Variants in CWF19L2 observed in about 807,000 individuals in gnomAD.
CWF19L2 encodes the protein CWF19 like cell cycle control factor 2, also known as CWF19-like protein 2.
CWF19L2 carries 98 observed loss-of-function variants against 111.7 expected under a neutral mutation model. The ratio of observed to expected loss-of-function variants is 0.88; its 90% CI spans 0.75 to 1.04. The LOEUF (loss-of-function observed/expected upper bound fraction) is 1.04. Ranked by LOEUF, CWF19L2 falls within the 50% of genes least tolerant of loss-of-function variation. The pLI is 0.00. For missense variants in CWF19L2, 1,101 were observed against 1,051.4 expected, an observed-to-expected ratio of 1.05 and a Z score of -0.65; for synonymous variants, 351 against 342.9, an observed-to-expected ratio of 1.02 and a Z score of -0.26.
intron 16 of CWF19L2, among the ~76,000 whole-genome samples, chr11:107,331,594 G>T (rs137984094): frequency 2.4e-3 from 373 of 152,338 alleles, no homozygotes; most frequent in Middle Eastern, 0.01. Context: ...AGGAATGCAG[G>T]CATGCTGACA....
chr11:107,361,556 T>C (rs947483720), intron 12 of CWF19L2, among the ~76,000 whole-genome samples: 1 of 152,250 alleles, frequency 6.6e-6, no homozygotes. Context: ...ACCTGTAGAT[T>C]ACTCTGGCCA....
At chr11:107,334,827 A>T (rs1019266653) in intron 16 of CWF19L2, 54 bp downstream of exon 16, 15 of 1,107,508 alleles carry the variant, frequency 1.4e-5, no homozygotes, top group Admixed American at 3.7e-5. Flanking sequence ...ATGGAAATTA[A>T]TAAAGATCCT....
In CWF19L2 at chr11:107,457,654, C is replaced by T. The variant is rs905600232; in HGVS notation, c.105+58G>A. The T allele has an allele frequency of 2.7e-5, 35 of 1,300,852 alleles. No homozygotes were observed. In the African/African-American group the frequency reaches 4.4e-4, roughly 16 times the overall value. The allele number at this position is 1,300,852 out of a possible 1,614,324, so 80.6% of individuals were successfully genotyped here. ...GGGAAGGGGTGAGTGGGCTAGCTTA[C>T]GGGAACCCTCAACTCCCACAACAAT... On this transcript the variant is annotated intron_variant, in intron 1 of 17. Coordinates refer to ENST00000282251, the MANE Select transcript of CWF19L2 (RefSeq NM_152434.3).
chr11:107,415,095 C>T (rs1291619409), intron 10 of CWF19L2, among the ~76,000 whole-genome samples: 1 of 152,168 alleles, frequency 6.6e-6, no homozygotes, highest in Admixed American at 6.5e-5. Context: ...ATCTGGCCAC[C>T]TATAGTCTCT....
intron 10 of CWF19L2, among the ~76,000 whole-genome samples, chr11:107,402,559 T>C (rs988643411): frequency 6.6e-6 from 1 of 152,044 alleles, no homozygotes; most frequent in African/African-American, 2.4e-5. Context: ...AGAATGAGCA[T>C]AATCAAAAAA....
At chr11:107,450,867 CA>C (rs1861768669) in intron 3 of CWF19L2, among the ~76,000 whole-genome samples, 1 of 152,028 alleles carries the variant, frequency 6.6e-6, no homozygotes, top group South Asian at 2.1e-4. Context: ...CAAAAACTGA[CA>C]AAACTGAAAG....
intron 12 of CWF19L2, among the ~76,000 whole-genome samples, chr11:107,377,965 C>A (rs1313095034): frequency 5.9e-5 from 9 of 151,994 alleles, no homozygotes. Flanking sequence ...AGGATATGAA[C>A]AGACACTTCT....
At chr11:107,381,821 A>C (rs1477243590) in intron 12 of CWF19L2, among the ~76,000 whole-genome samples, 1 of 152,216 alleles carries the variant, frequency 6.6e-6, no homozygotes, top group Admixed American at 6.5e-5. Flanking sequence ...AAAATATATT[A>C]AGCCTTAAGT....
chr11:107,347,301 A>G (rs1860094164), intron 14 of CWF19L2, among the ~76,000 whole-genome samples: 1 of 152,200 alleles, frequency 6.6e-6, no homozygotes, highest in African/African-American at 2.4e-5. Context: ...CCTGCATTGC[A>G]ACATTTGGCA....
intron 8 of CWF19L2, among the ~76,000 whole-genome samples, chr11:107,426,900 C>CA (rs1299591858): frequency 3.3e-5 from 5 of 151,810 alleles, no homozygotes; most frequent in Admixed American, 3.3e-4. Context: ...TTGGAAGTGA[C>CA]ATGAAAGGGA....
chr11:107,410,679 A>G (rs1861144052), intron 10 of CWF19L2, among the ~76,000 whole-genome samples: 1 of 152,206 alleles, frequency 6.6e-6, no homozygotes, highest in Non-Finnish European at 1.5e-5. Context: ...TCATGTGCAC[A>G]AGGGATGAGA....
intron 12 of CWF19L2, among the ~76,000 whole-genome samples, chr11:107,388,244 G>C (rs1432767636): frequency 1.3e-5 from 2 of 152,004 alleles, no homozygotes; most frequent in Non-Finnish European, 2.9e-5. Flanking sequence ...TTATATATTT[G>C]TTCACTTTCT....
At chr11:107,363,463 C>A in intron 12 of CWF19L2, among the ~76,000 whole-genome samples, 1 of 151,752 alleles carries the variant, frequency 6.6e-6, no homozygotes, top group Non-Finnish European at 1.5e-5. Flanking sequence ...ATCAGACTAC[C>A]AGCGGATCTC....
intron 6 of CWF19L2, among the ~76,000 whole-genome samples, chr11:107,434,490 C>T (rs58916919): frequency 0.013 from 1,955 of 151,906 alleles, 25 homozygotes; most frequent in South Asian, 0.038. Flanking sequence ...GCTTTAAGAT[C>T]GCCCCAGCTC....
chr11:107,332,987 G>A (rs1190547533), intron 16 of CWF19L2, among the ~76,000 whole-genome samples: 5 of 151,888 alleles, frequency 3.3e-5, no homozygotes, highest in African/African-American at 7.3e-5. Context: ...GCGTGGTGGT[G>A]CGCTCCTGTA....
intron 10 of CWF19L2, among the ~76,000 whole-genome samples, chr11:107,402,873 G>GTGTGTGTGTCTATATATATATATATATA (rs1247886311): frequency 1.1e-5 from 1 of 94,468 alleles, no homozygotes; most frequent in Admixed American, 1.2e-4. Context: ...ACTGTGGTGT[G>GTGTGTGTGTCTATATATATATATATATA]TATATATATA....
intron 12 of CWF19L2, among the ~76,000 whole-genome samples, chr11:107,356,368 A>T (rs1860237375): frequency 1.3e-5 from 2 of 152,164 alleles, no homozygotes; most frequent in Admixed American, 1.3e-4. Context: ...AATAGAAGAA[A>T]ATTTATTTAA....
chr11:107,412,056 TACAAAG>T (rs1396051277), intron 10 of CWF19L2, among the ~76,000 whole-genome samples: 1 of 152,106 alleles, frequency 6.6e-6, no homozygotes. Flanking sequence ...AAATTTTTCT[TACAAAG>T]ACAATTTTTC....
At chr11:107,387,716 C>A (rs1860791252) in intron 12 of CWF19L2, among the ~76,000 whole-genome samples, 1 of 152,106 alleles carries the variant, frequency 6.6e-6, no homozygotes, top group African/African-American at 2.4e-5. Flanking sequence ...TAACCTAGAT[C>A]CCTCACATGT....
Sources: allele counts gnomAD v4.1 joint callset (sites outside exome capture counted in the v4.1 genomes callset), GRCh38; gene constraint gnomAD v4.1.1; transcripts MANE v1.5; gene names NCBI Gene and HGNC (gene_info 2026-07-23, HGNC 2026-07-21).